ABCA12: variants seen among roughly 807,000 people sequenced by gnomAD.
The protein encoded by ABCA12 is glucosylceramide transporter ABCA12.
ABCA12 carries 156 observed loss-of-function variants against 293.5 expected under a neutral mutation model. The ratio of observed to expected loss-of-function variants is 0.53; its 90% CI spans 0.47 to 0.61. The LOEUF (loss-of-function observed/expected upper bound fraction) is 0.61. ABCA12 is among the 20% of genes least tolerant of loss of function. The probability of loss-of-function intolerance (pLI) is 0.00; values close to 1 mark genes in which losing one functional copy is unlikely to be tolerated. For missense variants in ABCA12, 2,797 were observed against 3,090.2 expected (o/e 0.91, Z 2.25); for synonymous variants, 1,063 against 1,108.0 (o/e 0.96, Z 0.81).
In ABCA12 at chr2:215,005,090, C is replaced by T. The variant is rs1212642954; in HGVS notation, c.2593-791G>A. 4.6e-5 allele frequency among the ~76,000 whole-genome samples: 7 copies of T among 152,120 alleles called. 1 individual carries two copies. In the South Asian group the frequency reaches 8.3e-4, roughly 18 times the overall value. ...TTTTATAATACCATGTGCTGGGCAC[C>T]GTCTTATAGAGTTTAACTTGACTTT... On this transcript the variant is annotated intron_variant, in intron 19 of 52. Transcript: ENST00000272895.
At position 215,138,195 on chromosome 2, in the gene ABCA12, A is replaced by G. The variant is rs755362627; in HGVS notation, c.14T>C (p.Phe5Ser). 2.5e-6 allele frequency: 4 copies of G among 1,614,110 alleles called. No homozygotes were observed. The Admixed American group carries it at 6.7e-5, about 27-fold the overall frequency. ...CCAGACCAGGATCTGAAGCTGATGA[A>G]ACAGGGAAGCCATCCTTCAAATGCC... MASLFHQLQILVWKN... is the reference protein window; with the variant it reads MASLSHQLQILVWKN... Residue 5 changes from phenylalanine to serine, a missense_variant, in exon 1 of 53, where the codon TTT (phenylalanine) becomes TCT (serine). By Grantham distance (155) the Phe-to-Ser change is radical (BLOSUM62 -2). Coordinates refer to ENST00000272895, the MANE Select transcript of ABCA12 (RefSeq NM_173076.3).
At chr2:214,989,514 T>G (rs1259074680) in intron 25 of ABCA12, 38 bp downstream of exon 25, 1 of 1,613,878 alleles carries the variant, frequency 6.2e-7, no homozygotes. Flanking sequence ...AGCACAGTTG[T>G]GAAAGATAAA....
rs1699685428 is a variant in ABCA12 at position 214,982,279 on chromosome 2, C to T, written c.4487G>A (p.Gly1496Glu). The change falls in exon 30 of 53, where the codon GGA (glycine) becomes GAA (glutamate). Residue 1496 changes from glycine (G) to glutamate (E), a missense_variant. Transcript: ENST00000272895. ...TTCATCCAAAATTACTACCCTTGAT[C>T]CACCAATGAGAGCTATGGATATAGA... is the stretch of plus-strand genomic sequence containing the variant. ...KLSISIALIGGSRVVILDEPS... is the reference protein window; with the variant it reads ...KLSISIALIGESRVVILDEPS... 1 of 1,613,958 alleles carries T rather than the reference C, an allele frequency of 6.2e-7. No homozygotes were observed. The highest frequency in any genetic ancestry group is 8.5e-7 in the Non-Finnish European group (1 of 1,180,002).
chr2:215,120,528 T>C (rs1702784943), intron 1 of ABCA12, among the ~76,000 whole-genome samples: 3 of 151,846 alleles, frequency 2.0e-5, no homozygotes, highest in African/African-American at 7.3e-5. Context: ...AATAAATATG[T>C]GTTGGATGGA....
intron 19 of ABCA12, 70 bp from the exon 20 acceptor site, chr2:215,004,369 C>T (rs1298177507): frequency 8.5e-7 from 1 of 1,182,622 alleles, no homozygotes; most frequent in South Asian, 1.3e-5. Context: ...TCTCTAATAA[C>T]CACCACAGTG....
chr2:214,950,780 C>T (rs1698741144), intron 45 of ABCA12, 99 bp downstream of exon 45: 2 of 1,316,226 alleles, frequency 1.5e-6, no homozygotes, highest in South Asian at 1.2e-5. Flanking sequence ...GCTAAGATTA[C>T]AGGTGTGAGC....
chr2:215,051,242 G>T (rs1384098027), intron 5 of ABCA12, among the ~76,000 whole-genome samples: 2 of 152,070 alleles, frequency 1.3e-5, no homozygotes, highest in South Asian at 4.1e-4. Flanking sequence ...AATTAACTGG[G>T]CATATTGAGA....
chr2:215,005,507 G>A (rs1700233487), intron 19 of ABCA12, among the ~76,000 whole-genome samples: 2 of 152,178 alleles, frequency 1.3e-5, no homozygotes, highest in Non-Finnish European at 2.9e-5. Context: ...AAAAGCAGCT[G>A]GTGGCATGCA....
At chr2:214,973,725 C>G (rs1281639819) in intron 36 of ABCA12, among the ~76,000 whole-genome samples, 2 of 152,126 alleles carry the variant, frequency 1.3e-5, no homozygotes, top group East Asian at 3.9e-4. Flanking sequence ...CAAAGACCAT[C>G]ATAGAATTAC....
At chr2:215,059,578 A>G (rs1026799678) in intron 3 of ABCA12, among the ~76,000 whole-genome samples, 5 of 151,974 alleles carry the variant, frequency 3.3e-5, no homozygotes, top group Admixed American at 3.3e-4. Context: ...ATTCTTAGGA[A>G]AGACTTTGGA....
chr2:214,966,618 A>G (rs1306309096), intron 39 of ABCA12, among the ~76,000 whole-genome samples: 1 of 152,174 alleles, frequency 6.6e-6, no homozygotes, highest in Non-Finnish European at 1.5e-5. Context: ...TGACGTCAGC[A>G]TTATTATCCT....
At chr2:214,995,912 A>C (rs923728175) in intron 23 of ABCA12, among the ~76,000 whole-genome samples, 4 of 152,220 alleles carry the variant, frequency 2.6e-5, no homozygotes, top group Non-Finnish European at 5.9e-5. Flanking sequence ...AGAGAGAGAG[A>C]GAGCTACATT....
At chr2:215,137,499 A>G (rs1225374493) in intron 1 of ABCA12, among the ~76,000 whole-genome samples, 1 of 152,236 alleles carries the variant, frequency 6.6e-6, no homozygotes, top group Non-Finnish European at 1.5e-5. Context: ...CGCAAACATT[A>G]ATGTAAGAGT....
chr2:215,073,433 GT>G, intron 2 of ABCA12, among the ~76,000 whole-genome samples: 1 of 152,158 alleles, frequency 6.6e-6, no homozygotes, highest in East Asian at 1.9e-4. Context: ...CAGGAAGATG[GT>G]TTTAGCCTCT....
rs773085763 is a variant in ABCA12, at chr2:214,989,317, G to A, written c.3829+12C>T. On this transcript the variant is annotated intron_variant, in intron 26 of 52. Coordinates refer to ENST00000272895, the MANE Select transcript of ABCA12 (RefSeq NM_173076.3). ...CATAAAAAGCATGTATCTGTAGGAA[G>A]CACATTCATACCTGGGAAGACATTC... The A allele has an allele frequency of 1.4e-5, 23 of 1,611,898 alleles. 1 individual carries two copies. The South Asian group carries it at 2.3e-4, about 16-fold the overall frequency.
intron 1 of ABCA12, among the ~76,000 whole-genome samples, chr2:215,120,982 T>G (rs1318430627): frequency 6.6e-6 from 1 of 152,206 alleles, no homozygotes. Context: ...CTTCTTATAA[T>G]TAATGTCAGC....
At chr2:214,981,154 A>G (rs1310741650) in intron 30 of ABCA12, among the ~76,000 whole-genome samples, 2 of 151,862 alleles carry the variant, frequency 1.3e-5, no homozygotes, top group Non-Finnish European at 2.9e-5. Context: ...AAATATTTGG[A>G]CGCATTTTTT....
At chr2:215,115,674 C>G (rs1702671787) in intron 1 of ABCA12, among the ~76,000 whole-genome samples, 1 of 152,180 alleles carries the variant, frequency 6.6e-6, no homozygotes, top group Admixed American at 6.5e-5. Context: ...GCATTCGTGT[C>G]CTTTTATTTC....
At chr2:215,121,675 C>A (rs1469217348) in intron 1 of ABCA12, among the ~76,000 whole-genome samples, 1 of 152,112 alleles carries the variant, frequency 6.6e-6, no homozygotes. Flanking sequence ...TGAATTGTAG[C>A]TCCCATAATC....
Sources: allele counts gnomAD v4.1 joint callset (sites outside exome capture counted in the v4.1 genomes callset), GRCh38; gene constraint gnomAD v4.1.1; transcripts MANE v1.5; gene names NCBI Gene and HGNC (gene_info 2026-07-23, HGNC 2026-07-21).